The following TIAM1 variants were observed in gnomAD, a reference collection of about 807,000 sequenced individuals.
TIAM1 encodes TIAM Rac1 associated GEF 1.
In TIAM1, 65 loss-of-function variants were observed where a neutral mutation model predicts 163.5. That is an observed-to-expected ratio of 0.40 (90% confidence interval 0.33 to 0.49). The LOEUF (loss-of-function observed/expected upper bound fraction) is 0.49. Among genes scored for constraint, TIAM1 ranks in the 20% least tolerant of loss-of-function variants. TIAM1 has a pLI of 0.77. For missense variants in TIAM1, 1,789 were observed against 2,044.7 expected, an observed-to-expected ratio of 0.87 and a Z score of 2.41; for synonymous variants, 833 against 810.1, an observed-to-expected ratio of 1.03 and a Z score of -0.48.
intron 9 of TIAM1, 36 bp from the exon 10 acceptor site, chr21:31,213,508 T>C (rs763899811): frequency 1.3e-6 from 2 of 1,599,730 alleles, no homozygotes; most frequent in Non-Finnish European, 1.7e-6. Flanking sequence ...AAAAGGAATC[T>C]GGGCAACAGG....
intron 1 of TIAM1, among the ~76,000 whole-genome samples, chr21:31,513,787 C>G (rs769893816): frequency 6.6e-6 from 1 of 152,150 alleles, no homozygotes; most frequent in Non-Finnish European, 1.5e-5. Context: ...GCGGGTGGAT[C>G]ACCTGAGGTC....
At position 31,147,516 on chromosome 21, in the gene TIAM1, G is replaced by A. The variant is rs138816869; in HGVS notation, c.3367-513C>T. On this transcript the variant is annotated intron_variant, in intron 19 of 27. Transcript: ENST00000541036. ...AAAGGAAGAAACACGCTCAACTATG[G>A]AAGTCAGGTATCATCTCCCCAGCCT... Among the ~76,000 whole-genome samples the A allele has an allele frequency of 2.1e-3, 313 of 151,694 alleles. 2 individuals are homozygous for A. The highest frequency in any genetic ancestry group is 7.4e-3 in the African/African-American group (307 of 41,358).
chr21:31,434,153 T>C (rs570619038), intron 2 of TIAM1, among the ~76,000 whole-genome samples: 5 of 152,136 alleles, frequency 3.3e-5, no homozygotes, highest in Admixed American at 6.5e-5. Flanking sequence ...AAAAAAGGCA[T>C]TGTAAAATAT....
At chr21:31,553,058 C>T (rs1372988692) in intron 1 of TIAM1, among the ~76,000 whole-genome samples, 2 of 152,114 alleles carry the variant, frequency 1.3e-5, no homozygotes, top group African/African-American at 4.8e-5. Context: ...CAGAATCTGC[C>T]ATCAGAACAG....
At chr21:31,251,712 G>C (rs1459348829) in intron 5 of TIAM1, 30 bp downstream of exon 5, 2 of 1,544,634 alleles carry the variant, frequency 1.3e-6, no homozygotes, top group South Asian at 2.5e-5. Context: ...TGGTGCATTT[G>C]GCACATAGCC....
At chr21:31,317,403 A>G (rs558580101) in intron 2 of TIAM1, among the ~76,000 whole-genome samples, 1 of 152,342 alleles carries the variant, frequency 6.6e-6, no homozygotes, top group South Asian at 2.1e-4. Context: ...TGGTGAGCCA[A>G]GATCGCGCCA....
intron 1 of TIAM1, among the ~76,000 whole-genome samples, chr21:31,479,657 AC>A (rs2046049126): frequency 6.6e-6 from 1 of 152,144 alleles, no homozygotes; most frequent in African/African-American, 2.4e-5. Flanking sequence ...CTCTTTATTC[AC>A]CTTGGGAGCC....
At chr21:31,301,520 G>C (rs2074498379) in intron 2 of TIAM1, among the ~76,000 whole-genome samples, 1 of 152,080 alleles carries the variant, frequency 6.6e-6, no homozygotes, top group Admixed American at 6.5e-5. Flanking sequence ...GTGGGATTTT[G>C]GCTTAGAGAA....
intron 2 of TIAM1, among the ~76,000 whole-genome samples, chr21:31,286,386 A>T (rs1184562597): frequency 1.3e-5 from 2 of 152,174 alleles, no homozygotes; most frequent in Non-Finnish European, 2.9e-5. Context: ...CAACATGGTA[A>T]GACCTCATGT....
chr21:31,141,626 G>T lies in TIAM1; in HGVS notation c.3476-122C>A. ...TTGCAGGACTGAGCAGAGAGTGGGT[G>T]GCAGGAAGAGGGACAGGTAGGGGAG... On this transcript the variant is annotated intron_variant, in intron 20 of 27. Coordinates refer to ENST00000541036, the MANE Select transcript of TIAM1 (RefSeq NM_001353694.2). The surrounding 1 kb of genome is among the most constrained non-coding windows in gnomAD (Gnocchi z 4.7). 9.2e-7 allele frequency: 1 copy of T among 1,090,376 alleles called. No homozygotes were observed. Among genetic ancestry groups the T allele is most frequent in the Non-Finnish European group, 1.3e-6 (1 of 755,128 alleles). The allele number at this position is 1,090,376 out of a possible 1,614,324, so 67.5% of individuals were successfully genotyped here. A position where few individuals can be genotyped will look rare whatever the true frequency, so the allele number is the denominator to read the frequency against.
intron 2 of TIAM1, among the ~76,000 whole-genome samples, chr21:31,315,514 C>CAA (rs11368055): frequency 7.1e-6 from 1 of 141,294 alleles, no homozygotes; most frequent in African/African-American, 2.6e-5. Flanking sequence ...GACTCCCTCT[C>CAA]AAAAAAAAAA....
intron 10 of TIAM1, 92 bp from the exon 11 acceptor site, chr21:31,210,307 T>G: frequency 7.2e-7 from 1 of 1,393,094 alleles, no homozygotes; most frequent in Non-Finnish European, 9.9e-7. Context: ...CCGATTCCCA[T>G]GAAAACAGCC....
Position 31,395,426 on chromosome 21 carries a change from T to C in TIAM1, c.-368-56004A>G, listed in dbSNP as rs1052549285. On this transcript the variant is annotated intron_variant, in intron 2 of 28. Coordinates refer to the TIAM1 transcript ENST00000286827. This position sits in a 1 kb window ranked among gnomAD's most constrained non-coding sequence, Gnocchi z 7.5. ...CGCTGCAGCCATGTGACAATAAGGA[T>C]GGCTTTCACACCAGAGCAGCAGGGA... 6.6e-6 allele frequency among the ~76,000 whole-genome samples: 1 copy of C among 152,202 alleles called. No homozygotes were observed. Among genetic ancestry groups the C allele is most frequent in the South Asian group, 2.1e-4 (1 of 4,818 alleles).
At position 31,182,573 on chromosome 21, in the gene TIAM1, T is replaced by C; in HGVS notation, c.2735A>G (p.Lys912Arg). 3.7e-6 allele frequency: 6 copies of C among 1,614,114 alleles called. No individual in the cohort carries two copies. The highest frequency in any genetic ancestry group is 5.1e-6 in the Non-Finnish European group (6 of 1,179,996). The change falls in exon 15 of 28, where the codon AAA becomes AGA. Residue 912 changes from lysine to arginine, a missense_variant. Lys to Arg is a conservative substitution (Grantham distance 26). Transcript: ENST00000541036. The stretch of plus-strand genomic sequence containing the variant: ...CAGCGAGGGCTGTGAGAGGAAATCT[T>C]TGAGCATAGAAGAGTTCAGGGCGTC... Reference protein sequence around the residue: ...AADALNSSMLKDFLSQPSLGL... With the variant: ...AADALNSSMLRDFLSQPSLGL...
chr21:31,447,242 T>C (rs1246382350), intron 2 of TIAM1, among the ~76,000 whole-genome samples: 2 of 152,156 alleles, frequency 1.3e-5, no homozygotes, highest in African/African-American at 4.8e-5. Flanking sequence ...TTTCTTTCTT[T>C]ATTTTACTAT....
intron 6 of TIAM1, among the ~76,000 whole-genome samples, chr21:31,243,411 A>T (rs925816618): frequency 4.0e-5 from 6 of 151,782 alleles, no homozygotes; most frequent in African/African-American, 1.5e-4. Flanking sequence ...ATGGGACTTC[A>T]TCAAGCATAC....
intron 2 of TIAM1, among the ~76,000 whole-genome samples, chr21:31,278,959 T>G (rs536954820): frequency 6.6e-6 from 1 of 152,236 alleles, no homozygotes; most frequent in Admixed American, 6.5e-5. Context: ...TGCCAATAAT[T>G]TGCAAGGCTG....
At chr21:31,418,455 T>C (rs138699952) in intron 2 of TIAM1, among the ~76,000 whole-genome samples, 74 of 152,076 alleles carry the variant, frequency 4.9e-4, no homozygotes, top group African/African-American at 1.8e-3. Flanking sequence ...CAGCTGCTGT[T>C]TTCAGGCAGG....
chr21:31,371,867 C>T (rs920260072), intron 2 of TIAM1, among the ~76,000 whole-genome samples: 26 of 152,156 alleles, frequency 1.7e-4, no homozygotes, highest in Admixed American at 1.4e-3. Flanking sequence ...CCCTTCAGCC[C>T]GGCTGAGTCA....
Sources: allele counts gnomAD v4.1 joint callset (sites outside exome capture counted in the v4.1 genomes callset), GRCh38; gene constraint gnomAD v4.1.1; non-coding constraint Gnocchi (gnomAD v3.1); transcripts MANE v1.5; gene names NCBI Gene and HGNC (gene_info 2026-07-23, HGNC 2026-07-21).